The following BBIP1 variants were observed in gnomAD, a reference collection of about 807,000 sequenced individuals.
The protein encoded by BBIP1 is BBSome-interacting protein 1.
In BBIP1, 6 loss-of-function variants were observed where a neutral mutation model predicts 8.9. The observed-to-expected ratio is 0.67, with a 90% CI of 0.37 to 1.33. BBIP1 has a LOEUF of 1.33. BBIP1 is among the 40% of genes most tolerant of loss of function. The pLI is 0.02. For missense variants in BBIP1, 111 were observed against 109.2 expected, an observed-to-expected ratio of 1.02 and a Z score of -0.07; for synonymous variants, 32 against 33.4, an observed-to-expected ratio of 0.96 and a Z score of 0.14.
chr10:110,900,637 A>ACTC (rs1228046167), intron 3 of BBIP1, 111 bp from the exon 4 acceptor site: 20 of 875,294 alleles, frequency 2.3e-5, no homozygotes, highest in Non-Finnish European at 3.0e-5. Flanking sequence ...TCACTGAAAA[A>ACTC]CTCTTGTACC....
At chr10:110,903,227 C>T (rs1238494404) in intron 2 of BBIP1, 1 of 152,168 alleles carries the variant, frequency 6.6e-6, no homozygotes, top group Non-Finnish European at 1.5e-5. Context: ...TAAGCAACTC[C>T]AGCTACTCTG....
intron 2 of BBIP1, chr10:110,907,744 T>A: frequency 1.4e-6 from 1 of 702,464 alleles, no homozygotes; most frequent in Non-Finnish European, 2.6e-6. Flanking sequence ...AATCCTGGTA[T>A]AAAGGATGGT....
chr10:110,901,470 T>C (rs1053060004), intron 3 of BBIP1, 68 bp downstream of exon 3: 3 of 1,116,990 alleles, frequency 2.7e-6, no homozygotes, highest in Non-Finnish European at 3.9e-6. Flanking sequence ...AAGCCTGCTA[T>C]GTGACACTGC....
intron 3 of BBIP1, chr10:110,901,337 A>G (rs1845996300): frequency 1.8e-6 from 1 of 564,626 alleles, no homozygotes; most frequent in East Asian, 3.0e-5. Context: ...TTAATAGGCA[A>G]TTTTAGGTAT....
chr10:110,912,809 C>T (rs751472776), intron 2 of BBIP1, among the ~76,000 whole-genome samples: 9 of 152,096 alleles, frequency 5.9e-5, no homozygotes, highest in Non-Finnish European at 1.2e-4. Context: ...ATAATATGTG[C>T]CTACTACTCC....
rs1845914077 is a variant in BBIP1 at position 110,899,311 on chromosome 10, C to G, written c.*1049G>C. Reference sequence around the variant, plus strand: ...AGATATAGTCTGTTAGAATTAAAACCAAGTTTAGTGTTCATATTTACCTCA... The same window carrying G: ...AGATATAGTCTGTTAGAATTAAAACGAAGTTTAGTGTTCATATTTACCTCA... On this transcript the variant is annotated 3_prime_UTR_variant, in exon 4 of 4. Transcript: ENST00000448814. 1 of 152,070 alleles carries G rather than the reference C, an allele frequency of 6.6e-6. No homozygotes were observed. The highest frequency in any genetic ancestry group is 2.4e-5 in the African/African-American group (1 of 41,402). The allele number at this position is 152,070 out of a possible 1,614,324, so 9.4% of individuals were successfully genotyped here.
intron 2 of BBIP1, among the ~76,000 whole-genome samples, chr10:110,914,221 C>T (rs1846341940): frequency 6.6e-6 from 1 of 152,058 alleles, no homozygotes; most frequent in Non-Finnish European, 1.5e-5. Flanking sequence ...TAGTCAGGAG[C>T]AATCATGGCC....
At position 110,900,368 on chromosome 10, in the gene BBIP1, T is replaced by C; in HGVS notation, c.271A>G (p.Thr91Ala). ...EMAEKDQRQI[T>A]H is the part of the protein sequence containing the mutation. ...AAGTGCTCAGTTATCATTCAGTGGG[T>C]TATTTGCCGTTGATCCTTTTCTGCC... is the stretch of plus-strand genomic sequence containing the variant. The change falls in exon 4 of 4, where the codon ACC becomes GCC. Residue 91 changes from threonine (T) to alanine (A), a missense_variant. Thr to Ala is a moderately conservative substitution (Grantham distance 58, BLOSUM62 0). Transcript: ENST00000448814. 1 of 1,534,430 alleles carries C rather than the reference T, an allele frequency of 6.5e-7. No individual in the cohort carries two copies. Among genetic ancestry groups the C allele is most frequent in the Non-Finnish European group, 8.7e-7 (1 of 1,146,678 alleles).
Position 110,900,457 on chromosome 10 carries a change from A to G in BBIP1, c.182T>C (p.Leu61Pro), listed in dbSNP as rs547687357. Residue 61 changes from leucine to proline, a missense_variant, in exon 4 of 4, where the codon CTG becomes CCG. Coordinates refer to ENST00000448814, the MANE Select transcript of BBIP1 (RefSeq NM_001195305.3). The part of the protein sequence containing the change: ...CKPKLLPLKS[L>P]TLEKLEKMHQ... Reference sequence around the variant, plus strand: ...CATTTTCTCTAGTTTTTCCAGAGTCAGAGATTTTAAGGGTAAAAGTTTGGG... The same window carrying G: ...CATTTTCTCTAGTTTTTCCAGAGTCGGAGATTTTAAGGGTAAAAGTTTGGG... The G allele has an allele frequency of 1.3e-6, 2 of 1,535,840 alleles. No individual in the cohort carries two copies. The highest frequency in any genetic ancestry group is 4.9e-5 in the East Asian group (2 of 40,888).
At chr10:110,901,093 C>T (rs1249275684) in intron 3 of BBIP1, 1 of 450,726 alleles carries the variant, frequency 2.2e-6, no homozygotes, top group South Asian at 1.6e-5. Flanking sequence ...GGTTTGAGAC[C>T]AGCCTAGGCA....
At chr10:110,918,029 G>T in intron 2 of BBIP1, 92 bp downstream of exon 2, 1 of 1,116,200 alleles carries the variant, frequency 9.0e-7, no homozygotes, top group Non-Finnish European at 1.3e-6. Context: ...TTTGGCTGGC[G>T]TGTAAGTACT....
chr10:110,910,239 G>A (rs897378357), intron 2 of BBIP1, among the ~76,000 whole-genome samples: 2 of 152,106 alleles, frequency 1.3e-5, no homozygotes, highest in African/African-American at 2.4e-5. Flanking sequence ...CGAAAAATAC[G>A]TTCAAATGAA....
intron 2 of BBIP1, chr10:110,904,149 T>A (rs1239179811): frequency 6.6e-6 from 1 of 152,224 alleles, no homozygotes; most frequent in African/African-American, 2.4e-5. Context: ...GAGATGTATT[T>A]AAACCAGGGA....
chr10:110,918,430 G>A (rs1003036662), intron 1 of BBIP1, among the ~76,000 whole-genome samples: 3 of 152,230 alleles, frequency 2.0e-5, no homozygotes, highest in African/African-American at 7.2e-5. Context: ...TTGAGGTCCT[G>A]CCCTGGTGGT....
At chr10:110,913,970 C>T (rs553645984) in intron 2 of BBIP1, among the ~76,000 whole-genome samples, 4 of 152,324 alleles carry the variant, frequency 2.6e-5, no homozygotes, top group African/African-American at 9.6e-5. Context: ...CTGGCAACGT[C>T]AAGCCCACAT....
chr10:110,899,404 G>C lies in BBIP1; in HGVS notation c.*956C>G, dbSNP rs1590742876. On this transcript the variant is annotated 3_prime_UTR_variant, in exon 4 of 4. Transcript: ENST00000448814. ...ACCATTTTTAGGTTTTTAATTGTTT[G>C]ACACTTGGATGATAAATGCAGTCAT... is the stretch of plus-strand genomic sequence containing the variant. 1 of 152,094 alleles carries C rather than the reference G, an allele frequency of 6.6e-6. No individual in the cohort carries two copies. Among genetic ancestry groups the C allele is most frequent in the East Asian group, 1.9e-4 (1 of 5,200 alleles). 9.4% of individuals were successfully genotyped at this position (152,094 alleles called of 1,614,324 possible). A position where few individuals can be genotyped will look rare whatever the true frequency, so the allele number is the denominator to read the frequency against.
intron 2 of BBIP1, among the ~76,000 whole-genome samples, chr10:110,908,874 A>C (rs984153422): frequency 6.6e-6 from 1 of 152,328 alleles, no homozygotes; most frequent in South Asian, 2.1e-4. Context: ...TTTGAAGGAA[A>C]TAAGGAGAAC....
At chr10:110,903,776 G>C (rs1311051205) in intron 2 of BBIP1, 1 of 152,146 alleles carries the variant, frequency 6.6e-6, no homozygotes, top group Admixed American at 6.5e-5. Flanking sequence ...TATAAACCTA[G>C]GCTATATGGT....
Position 110,901,627 on chromosome 10 carries a change from C to T in BBIP1, c.38-15G>A. The T allele has an allele frequency of 2.0e-6, 3 of 1,510,890 alleles. No homozygotes were observed. The highest frequency in any genetic ancestry group is 2.7e-6 in the Non-Finnish European group (3 of 1,123,928). 93.6% of individuals were successfully genotyped at this position (1,510,890 alleles called of 1,614,324 possible). On this transcript the variant is annotated splice_polypyrimidine_tract_variant and intron_variant, in intron 2 of 3. Transcript: ENST00000448814. ...AGTGTTTTTTCCTTCAATGAGAAAT[C>T]AGTATTATTCAAGAATACATTCCCA...
Sources: allele counts gnomAD v4.1 joint callset (sites outside exome capture counted in the v4.1 genomes callset), GRCh38; gene constraint gnomAD v4.1.1; transcripts MANE v1.5; gene names NCBI Gene and HGNC (gene_info 2026-07-23, HGNC 2026-07-21).